The following LRRC7 variants were observed in gnomAD, a reference collection of about 807,000 sequenced individuals.
The protein encoded by LRRC7 is leucine-rich repeat-containing protein 7.
LRRC7 carries 23 observed loss-of-function variants against 175.7 expected under a neutral mutation model. That is an observed-to-expected ratio of 0.13 (90% CI 0.09 to 0.19). LRRC7 has a LOEUF of 0.19. Ranked by LOEUF, LRRC7 falls within the 10% of genes least tolerant of loss-of-function variation. LRRC7 has a pLI of 1.00. For synonymous variants in LRRC7, 685 were observed against 680.9 expected (o/e 1.01, Z -0.09); for missense variants, 1,354 against 1,904.7 (o/e 0.71, Z 5.38).
intron 8 of LRRC7, among the ~76,000 whole-genome samples, chr1:69,932,290 G>T (rs908501991): frequency 6.6e-6 from 1 of 152,080 alleles, no homozygotes; most frequent in Admixed American, 6.6e-5. Flanking sequence ...AAAATTAAAA[G>T]ATTTAAGTAA....
chr1:69,627,692 G>C (rs2477571), intron 1 of LRRC7, among the ~76,000 whole-genome samples: 2 of 152,048 alleles, frequency 1.3e-5, no homozygotes, highest in Admixed American at 1.3e-4. Flanking sequence ...TTCTTCTAGG[G>C]TTTTTATGGT....
chr1:69,625,099 C>G (rs561238188), intron 1 of LRRC7, among the ~76,000 whole-genome samples: 18 of 151,976 alleles, frequency 1.2e-4, no homozygotes, highest in African/African-American at 4.3e-4. Flanking sequence ...TAGCAAAATT[C>G]ATTTCTAAAG....
chr1:69,675,667 C>T (rs941278061), intron 1 of LRRC7, among the ~76,000 whole-genome samples: 16 of 152,002 alleles, frequency 1.1e-4, no homozygotes, highest in Admixed American at 2.0e-4. Flanking sequence ...AACACATAAT[C>T]AAAATTGTGC....
chr1:70,108,847 G>A (rs1470283195), intron 26 of LRRC7, among the ~76,000 whole-genome samples: 1 of 152,208 alleles, frequency 6.6e-6, no homozygotes, highest in South Asian at 2.1e-4. Flanking sequence ...ATCCCCTCAA[G>A]TCAGCTCCAA....
At chr1:70,056,978 C>A (rs1286571257) in intron 23 of LRRC7, among the ~76,000 whole-genome samples, 1 of 151,770 alleles carries the variant, frequency 6.6e-6, no homozygotes, top group Admixed American at 6.6e-5. Context: ...GTGATCTCAG[C>A]AAAAGCAATT....
intron 3 of LRRC7, among the ~76,000 whole-genome samples, chr1:69,787,404 C>A (rs1041440362): frequency 6.6e-6 from 1 of 152,218 alleles, no homozygotes; most frequent in Non-Finnish European, 1.5e-5. Flanking sequence ...TGTGGGAGCT[C>A]CGACCCCACA....
chr1:70,023,275 A>G lies in LRRC7; in HGVS notation c.1695A>G (p.Ala565=), dbSNP rs1657709068. The part of the protein sequence containing the change: ...MPVPQNDPQL[A]WGCISGLQQE... ...TCCCCCAGAATGACCCACAGCTGGC[A>G]TGGGGTTGTATAAGTGGCCTCCAGC... The change falls in exon 17 of 27, where the codon GCA becomes GCG. Residue 565 remains alanine (A), a synonymous_variant. Coordinates refer to ENST00000651989, the MANE Select transcript of LRRC7 (RefSeq NM_001370785.2). 1 of 1,613,446 alleles carries G rather than the reference A, an allele frequency of 6.2e-7. No homozygotes were observed. Among genetic ancestry groups the G allele is most frequent in the African/African-American group, 1.3e-5 (1 of 74,932 alleles).
intron 7 of LRRC7, chr1:69,919,561 C>T (rs1462160587): frequency 2.5e-6 from 2 of 794,236 alleles, no homozygotes; most frequent in East Asian, 2.6e-5. Context: ...CAAGGCGGCC[C>T]TCGACCTGGC....
intron 3 of LRRC7, among the ~76,000 whole-genome samples, chr1:69,774,493 A>G (rs1249812974): frequency 6.6e-6 from 1 of 152,218 alleles, no homozygotes; most frequent in Non-Finnish European, 1.5e-5. Flanking sequence ...ATAAAACTGT[A>G]CTGTATATGA....
At chr1:70,010,880 G>A (rs1471976471) in intron 11 of LRRC7, among the ~76,000 whole-genome samples, 2 of 152,062 alleles carry the variant, frequency 1.3e-5, no homozygotes, top group Non-Finnish European at 2.9e-5. Flanking sequence ...CTGAAGTAAA[G>A]CCGGCTAAGT....
Position 70,076,078 on chromosome 1 carries a change from C to T in LRRC7, c.4232C>T (p.Ala1411Val), listed in dbSNP as rs774634401. The T allele has an allele frequency of 1.2e-6, 2 of 1,613,216 alleles. No individual in the cohort carries two copies. The highest frequency in any genetic ancestry group is 1.7e-5 in the Admixed American group (1 of 60,002). ...CCTGACAGATTATCTTCTCCACAGGCAGGCAGCCACATCCAGACGTTGATG... is the reference window on the plus strand; with the variant it reads ...CCTGACAGATTATCTTCTCCACAGGTAGGCAGCCACATCCAGACGTTGATG... The part of the protein sequence containing the change: ...DVPPDTITKK[A>V]GSHIQTLMGS... Residue 1411 changes from alanine (A) to valine (V), a missense_variant and splice_region_variant, in exon 24 of 27, where the codon GCA becomes GTA. Coordinates refer to ENST00000651989, the MANE Select transcript of LRRC7 (RefSeq NM_001370785.2).
At chr1:69,807,755 G>C (rs1166948949) in intron 4 of LRRC7, among the ~76,000 whole-genome samples, 1 of 151,950 alleles carries the variant, frequency 6.6e-6, no homozygotes, top group Non-Finnish European at 1.5e-5. Flanking sequence ...CAACCTTGGT[G>C]GTTCAGACAA....
intron 8 of LRRC7, among the ~76,000 whole-genome samples, chr1:69,948,506 G>A (rs1649575655): frequency 6.6e-6 from 1 of 152,064 alleles, no homozygotes; most frequent in South Asian, 2.1e-4. Context: ...AGGCACTCAA[G>A]CAGAGTGCTA....
At chr1:70,010,310 A>G (rs1425825480) in intron 11 of LRRC7, among the ~76,000 whole-genome samples, 3 of 152,232 alleles carry the variant, frequency 2.0e-5, no homozygotes, top group Non-Finnish European at 4.4e-5. Flanking sequence ...TCACGCCTGT[A>G]ATCCCAGCAC....
intron 1 of LRRC7, among the ~76,000 whole-genome samples, chr1:69,638,413 A>G (rs2100416545): frequency 6.6e-6 from 1 of 151,910 alleles, no homozygotes; most frequent in South Asian, 2.1e-4. Flanking sequence ...AGTGGCATAT[A>G]TTCTTGTTCT....
chr1:70,011,958 C>T lies in LRRC7; in HGVS notation c.1134+32C>T, dbSNP rs771037397. On this transcript the variant is annotated intron_variant, in intron 12 of 26. Transcript: ENST00000651989. ...AATAAACTTGTTTTCTATTTATTAA[C>T]TTTTAATTAATCTGTTTTGGAGTAA... The T allele has an allele frequency of 3.6e-5, 54 of 1,510,456 alleles. 1 individual carries two copies. In the African/African-American group the frequency reaches 5.2e-4, roughly 15 times the overall value. The allele number at this position is 1,510,456 out of a possible 1,614,324, so 93.6% of individuals were successfully genotyped here.
At chr1:69,668,250 C>G (rs1658555270) in intron 1 of LRRC7, among the ~76,000 whole-genome samples, 1 of 152,054 alleles carries the variant, frequency 6.6e-6, no homozygotes. Flanking sequence ...CACCCATCAA[C>G]CCATCATCTA....
intron 15 of LRRC7, among the ~76,000 whole-genome samples, chr1:70,020,340 A>C (rs1281180184): frequency 6.6e-6 from 1 of 152,012 alleles, no homozygotes; most frequent in Non-Finnish European, 1.5e-5. Context: ...AAAGATTCAT[A>C]AGCCATTTCC....
chr1:69,759,345 A>C (rs527269266), intron 2 of LRRC7, among the ~76,000 whole-genome samples: 1 of 152,140 alleles, frequency 6.6e-6, no homozygotes, highest in Non-Finnish European at 1.5e-5. Flanking sequence ...GAAAGGCCTT[A>C]CTGTTTAGGA....
Sources: gnomAD v4.1 joint callset for allele counts (sites outside exome capture counted in the v4.1 genomes callset) on GRCh38, gnomAD v4.1.1 for gene constraint, MANE v1.5 for transcripts, NCBI Gene and HGNC (gene_info 2026-07-23, HGNC 2026-07-21) for gene names.